The following MBNL2 variants were observed in gnomAD, a reference collection of about 807,000 sequenced individuals.
MBNL2 encodes the protein muscleblind like splicing regulator 2, also known as muscleblind-like protein 2.
In MBNL2, 17 loss-of-function variants were observed where a neutral mutation model predicts 41.9. The observed-to-expected ratio is 0.41, with a 90% confidence interval of 0.28 to 0.61. The LOEUF (loss-of-function observed/expected upper bound fraction) is 0.61, where lower values mean the gene tolerates loss of function less well. Ranked by LOEUF, MBNL2 falls within the 20% of genes least tolerant of loss-of-function variation. The probability of loss-of-function intolerance (pLI) is 0.35; values close to 1 mark genes in which losing one functional copy is unlikely to be tolerated. For synonymous variants in MBNL2, 195 were observed against 182.9 expected (o/e 1.07, Z -0.53); for missense variants, 336 against 505.6 (o/e 0.66, Z 3.22).
At chr13:97,162,448 G>T in the MBNL2 span, among the ~76,000 whole-genome samples, 7 of 152,202 alleles carry the variant, frequency 4.6e-5, no homozygotes, top group Admixed American at 4.6e-4. Context: ...CCTCTCATAG[G>T]TGGAGAGGTG....
upstream of MBNL2, among the ~76,000 whole-genome samples, chr13:97,217,165 A>G (rs895241627): frequency 2.5e-4 from 38 of 150,234 alleles, no homozygotes; most frequent in Non-Finnish European, 5.2e-4. Flanking sequence ...TACATTATAC[A>G]TAATATATAT....
At chr13:97,219,600 C>CT (rs2040688418), upstream of MBNL2, among the ~76,000 whole-genome samples, 1 of 152,170 alleles carries the variant, frequency 6.6e-6, no homozygotes, top group Admixed American at 6.5e-5. Flanking sequence ...AAACAGGCCT[C>CT]TTTCTGGTGT....
chr13:97,258,797 G>A (rs554761174), intron 1 of MBNL2, among the ~76,000 whole-genome samples: 1 of 152,318 alleles, frequency 6.6e-6, no homozygotes, highest in African/African-American at 2.4e-5. Flanking sequence ...ATTATCTCCG[G>A]CATAGGATCA....
In MBNL2 at chr13:97,276,305, A is replaced by G; in HGVS notation, c.70A>G (p.Arg24Gly). The G allele has an allele frequency of 1.2e-6, 2 of 1,614,092 alleles. No homozygotes were observed. The highest frequency in any genetic ancestry group is 1.7e-6 in the Non-Finnish European group (2 of 1,179,910). The change falls in exon 2 of 9, where the codon AGA (arginine) becomes GGA (glycine). Residue 24 changes from arginine (R) to glycine (G), a missense_variant. Transcript: ENST00000679496. ...LTLEVCRQFQ[R>G]GTCSRSDEEC... ...ATTAGAAGTCTGCAGACAGTTTCAA[A>G]GAGGAACATGCTCACGCTCTGATGA...
chr13:97,155,519 T>C, the MBNL2 span, among the ~76,000 whole-genome samples: 1 of 150,864 alleles, frequency 6.6e-6, no homozygotes, highest in African/African-American at 2.4e-5. Flanking sequence ...TAGCATTAGG[T>C]ATATCTCCCA....
At chr13:97,232,849 C>CTG (rs1424948508) in intron 1 of MBNL2, among the ~76,000 whole-genome samples, 5 of 97,752 alleles carry the variant, frequency 5.1e-5, no homozygotes, top group East Asian at 3.3e-4. Flanking sequence ...ACTCTTGACG[C>CTG]TATGTGTGTG....
chr13:97,269,155 G>A (rs907937643), intron 1 of MBNL2, among the ~76,000 whole-genome samples: 2 of 152,188 alleles, frequency 1.3e-5, no homozygotes, highest in African/African-American at 2.4e-5. Context: ...GCACTGGAAG[G>A]AGCTAATTAG....
At chr13:97,276,851 A>G (rs1181737320) in intron 2 of MBNL2, among the ~76,000 whole-genome samples, 2 of 151,970 alleles carry the variant, frequency 1.3e-5, no homozygotes, top group African/African-American at 2.4e-5. Flanking sequence ...TACTTCCTAA[A>G]ACGCTTTTCT....
intron 2 of MBNL2, among the ~76,000 whole-genome samples, chr13:97,290,738 T>G (rs1220696798): frequency 6.6e-6 from 1 of 151,900 alleles, no homozygotes; most frequent in Non-Finnish European, 1.5e-5. Context: ...CAACAATTAT[T>G]TATTTACCTA....
chr13:97,332,940 C>T (rs74106924), intron 2 of MBNL2, among the ~76,000 whole-genome samples: 6,542 of 152,158 alleles, frequency 0.043, 466 homozygotes, highest in African/African-American at 0.15. Flanking sequence ...CACAGATGCC[C>T]GGGACTGAAC....
chr13:97,335,285 C>CTT (rs35438891), intron 3 of MBNL2, among the ~76,000 whole-genome samples: 1 of 141,406 alleles, frequency 7.1e-6, no homozygotes, highest in East Asian at 2.1e-4. Flanking sequence ...GAAACAAGCT[C>CTT]TTTTTTTTTT....
At chr13:97,293,620 C>T (rs973310883) in intron 2 of MBNL2, among the ~76,000 whole-genome samples, 6 of 152,062 alleles carry the variant, frequency 3.9e-5, no homozygotes, top group African/African-American at 1.4e-4. Flanking sequence ...TATGGTGATG[C>T]AAGAAATTTT....
intron 1 of MBNL2, among the ~76,000 whole-genome samples, chr13:97,233,629 C>T (rs1224840882): frequency 6.6e-6 from 1 of 151,704 alleles, no homozygotes; most frequent in Non-Finnish European, 1.5e-5. Flanking sequence ...CCACAAAGAC[C>T]ATCCCCTCAG....
chr13:97,354,294 A>G lies in MBNL2; in HGVS notation c.805-2502A>G, dbSNP rs990331372. Among the ~76,000 whole-genome samples, 3 of 152,356 alleles carry G rather than the reference A, an allele frequency of 2.0e-5. No homozygotes were observed. The East Asian group carries it at 5.8e-4, about 29-fold the overall frequency. ...TGAAGATCTTTCAATGTAGGTAAAC[A>G]TATGCAGCAGTCAAAATCACCAAAA... On this transcript the variant is annotated intron_variant, in intron 5 of 8. Transcript: ENST00000679496.
the MBNL2 span, among the ~76,000 whole-genome samples, chr13:97,142,402 G>GC: frequency 6.6e-6 from 1 of 152,180 alleles, no homozygotes; most frequent in Non-Finnish European, 1.5e-5. Flanking sequence ...AATGCTGAAG[G>GC]CAAGGACCTT....
At chr13:97,244,028 A>T (rs2044897952) in intron 1 of MBNL2, among the ~76,000 whole-genome samples, 1 of 152,246 alleles carries the variant, frequency 6.6e-6, no homozygotes, top group African/African-American at 2.4e-5. Flanking sequence ...TAGTAAGGAC[A>T]GTATTTTACC....
At chr13:97,262,078 C>T (rs2048741031) in intron 1 of MBNL2, among the ~76,000 whole-genome samples, 1 of 152,202 alleles carries the variant, frequency 6.6e-6, no homozygotes, top group Admixed American at 6.5e-5. Context: ...AGAGTGCACC[C>T]TTAAAACTCT....
At chr13:97,230,841 G>T (rs2042281446) in intron 1 of MBNL2, among the ~76,000 whole-genome samples, 2 of 152,154 alleles carry the variant, frequency 1.3e-5, no homozygotes, top group South Asian at 4.1e-4. Flanking sequence ...TATTGGTTCA[G>T]AATCTTGTTT....
chr13:97,175,028 G>T, the MBNL2 span, among the ~76,000 whole-genome samples: 1 of 152,164 alleles, frequency 6.6e-6, no homozygotes, highest in Non-Finnish European at 1.5e-5. Context: ...TTTCCTTTAA[G>T]AAAATACCCT....
Sources: allele counts gnomAD v4.1 joint callset (sites outside exome capture counted in the v4.1 genomes callset), GRCh38; gene constraint gnomAD v4.1.1; transcripts MANE v1.5; gene names NCBI Gene and HGNC (gene_info 2026-07-23, HGNC 2026-07-21).